SEMA5A: variants seen among roughly 807,000 people sequenced by gnomAD.
The protein encoded by SEMA5A is semaphorin 5A, also known as semaphorin-5A.
SEMA5A carries 55 observed loss-of-function variants against 135.5 expected under a neutral mutation model. The ratio of observed to expected loss-of-function variants is 0.41; its 90% confidence interval spans 0.33 to 0.51. The LOEUF (loss-of-function observed/expected upper bound fraction) is 0.51. SEMA5A is among the 20% of genes least tolerant of loss of function. The pLI is 0.37. For missense variants in SEMA5A, 1,290 were observed against 1,419.9 expected, an observed-to-expected ratio of 0.91 and a Z score of 1.47; for synonymous variants, 580 against 546.5, an observed-to-expected ratio of 1.06 and a Z score of -0.85.
intron 5 of SEMA5A, among the ~76,000 whole-genome samples, chr5:9,311,039 G>A (rs981714377): frequency 6.6e-6 from 1 of 151,842 alleles, no homozygotes; most frequent in South Asian, 2.1e-4. Context: ...TCACAGATTA[G>A]AAAATGGCTT....
chr5:9,053,697 T>C lies in SEMA5A; in HGVS notation c.2689+390A>G, dbSNP rs1369209414. On this transcript the variant is annotated intron_variant, in intron 19 of 22. Transcript: ENST00000382496. ...AATGTTCGTTCTTTCCCACCTTTCCTTGGACTTTCTCCCTCAACACAGCAA... is the reference window on the plus strand; with the variant it reads ...AATGTTCGTTCTTTCCCACCTTTCCCTGGACTTTCTCCCTCAACACAGCAA... The C allele has an allele frequency of 7.6e-5, 12 of 158,832 alleles. No individual in the cohort carries two copies. In the Admixed American group the frequency reaches 7.8e-4, roughly 10 times the overall value. The allele number at this position is 158,832 out of a possible 1,614,324, so 9.8% of individuals were successfully genotyped here. A position where few individuals can be genotyped will look rare whatever the true frequency, so the allele number is the denominator to read the frequency against.
At chr5:9,251,178 T>C (rs923968968) in intron 5 of SEMA5A, among the ~76,000 whole-genome samples, 49 of 152,248 alleles carry the variant, frequency 3.2e-4, no homozygotes, top group African/African-American at 1.2e-3. Flanking sequence ...CCTTCCATAC[T>C]AGGATGACTC....
At chr5:9,486,242 G>T (rs1734719224) in intron 1 of SEMA5A, among the ~76,000 whole-genome samples, 1 of 152,124 alleles carries the variant, frequency 6.6e-6, no homozygotes, top group African/African-American at 2.4e-5. Flanking sequence ...GACACAGGGA[G>T]GGGGAACAAC....
chr5:9,089,385 T>C (rs1461651634), intron 16 of SEMA5A, among the ~76,000 whole-genome samples: 1 of 152,236 alleles, frequency 6.6e-6, no homozygotes, highest in African/African-American at 2.4e-5. Context: ...AAGATCAATC[T>C]GCTAGAGTTC....
At chr5:9,072,995 G>A (rs1222516532) in intron 16 of SEMA5A, among the ~76,000 whole-genome samples, 4 of 152,248 alleles carry the variant, frequency 2.6e-5, no homozygotes, top group African/African-American at 9.6e-5. Flanking sequence ...GGAAGACCTC[G>A]AAGAGATAAG....
chr5:9,212,940 C>T (rs188358003), intron 8 of SEMA5A, among the ~76,000 whole-genome samples: 4 of 152,150 alleles, frequency 2.6e-5, no homozygotes, highest in African/African-American at 9.7e-5. Context: ...TATAAACAAC[C>T]AACATTTCTT....
intron 8 of SEMA5A, among the ~76,000 whole-genome samples, chr5:9,221,388 C>A (rs550713928): frequency 6.7e-6 from 1 of 149,594 alleles, no homozygotes; most frequent in African/African-American, 2.5e-5. Flanking sequence ...CTGCAAGCTC[C>A]GCCTCCCGGG....
At chr5:9,373,315 G>A (rs907038316) in intron 3 of SEMA5A, among the ~76,000 whole-genome samples, 2 of 152,094 alleles carry the variant, frequency 1.3e-5, no homozygotes, top group African/African-American at 4.8e-5. Context: ...ATCCTAATTG[G>A]TCACTTTCAG....
chr5:9,467,793 G>A lies in SEMA5A; in HGVS notation c.-174-29941C>T, dbSNP rs375584160. Among the ~76,000 whole-genome samples the A allele has an allele frequency of 5.9e-5, 9 of 152,324 alleles. No homozygotes were observed. In the East Asian group the frequency reaches 1.2e-3, roughly 20 times the overall value. ...CGCCCTGGCCCAGCGTGGGTCTGGC[G>A]TCCTGCCTGCGGGAGGCTGGTTCCT... On this transcript the variant is annotated intron_variant, in intron 1 of 22. Transcript: ENST00000382496.
intron 8 of SEMA5A, among the ~76,000 whole-genome samples, chr5:9,223,554 AC>A (rs1310763967): frequency 6.6e-6 from 1 of 151,970 alleles, no homozygotes; most frequent in East Asian, 1.9e-4. Flanking sequence ...GACAAGACCC[AC>A]CCCCCAGTCC....
In SEMA5A at chr5:9,231,185, G is replaced by A. The variant is rs1357692419; in HGVS notation, c.334-4218C>T. ...TACTGTGAATAAAAGGAAATGAGTGGCTGGGCACGGTGGTTCCATGCCTGT... is the reference window on the plus strand; with the variant it reads ...TACTGTGAATAAAAGGAAATGAGTGACTGGGCACGGTGGTTCCATGCCTGT... On this transcript the variant is annotated intron_variant, in intron 6 of 22. Coordinates refer to ENST00000382496, the MANE Select transcript of SEMA5A (RefSeq NM_003966.3). Among the ~76,000 whole-genome samples the A allele has an allele frequency of 2.0e-5, 3 of 152,260 alleles. No homozygotes were observed. The East Asian group carries it at 5.8e-4, about 29-fold the overall frequency.
At chr5:9,463,366 A>G (rs1412747121) in intron 1 of SEMA5A, among the ~76,000 whole-genome samples, 1 of 152,180 alleles carries the variant, frequency 6.6e-6, no homozygotes, top group Non-Finnish European at 1.5e-5. Flanking sequence ...TATCTCCTAA[A>G]TATTAAAGTC....
At chr5:9,156,982 C>A (rs764519642) in intron 11 of SEMA5A, among the ~76,000 whole-genome samples, 1 of 152,186 alleles carries the variant, frequency 6.6e-6, no homozygotes, top group Admixed American at 6.5e-5. Context: ...TTTCTGCATA[C>A]CTTGTATCTG....
intron 16 of SEMA5A, among the ~76,000 whole-genome samples, chr5:9,107,046 G>C (rs1011794730): frequency 6.6e-6 from 1 of 152,150 alleles, no homozygotes; most frequent in Admixed American, 6.5e-5. Flanking sequence ...TGTCACAAAA[G>C]CAGGCTTTAC....
chr5:9,094,286 TTTC>T lies in SEMA5A; in HGVS notation c.2073+13851_2073+13853del, dbSNP rs1739201992. Among the ~76,000 whole-genome samples the T allele has an allele frequency of 2.2e-5, 3 of 139,516 alleles. 1 individual carries two copies. In the South Asian group the frequency reaches 6.9e-4, roughly 32 times the overall value. 91.5% of individuals were successfully genotyped at this position (139,516 alleles called of 152,430 possible). Reference sequence around the variant, plus strand: ...ATCAGTCATTGAAGTCATTGAGAATTTTCTTTTCTTCCACATGCAAAATTATTT... The same window carrying T: ...ATCAGTCATTGAAGTCATTGAGAATTTTTTCTTCCACATGCAAAATTATTT... On this transcript the variant is annotated intron_variant, in intron 16 of 22. Transcript: ENST00000382496.
chr5:9,276,160 A>G (rs1750250985), intron 5 of SEMA5A, among the ~76,000 whole-genome samples: 3 of 152,182 alleles, frequency 2.0e-5, no homozygotes, highest in Admixed American at 1.3e-4. Context: ...ATTCCTATAC[A>G]CCAATAACAG....
At chr5:9,348,381 TCA>T (rs1015656175) in intron 3 of SEMA5A, among the ~76,000 whole-genome samples, 8 of 152,286 alleles carry the variant, frequency 5.3e-5, no homozygotes, top group African/African-American at 1.4e-4. Context: ...TTATGCAAAT[TCA>T]TATATTATAA....
chr5:9,180,552 T>C (rs1163288270), intron 11 of SEMA5A, among the ~76,000 whole-genome samples: 1 of 152,182 alleles, frequency 6.6e-6, no homozygotes, highest in Non-Finnish European at 1.5e-5. Context: ...TTAATACTTG[T>C]TCCTGACACT....
intron 5 of SEMA5A, among the ~76,000 whole-genome samples, chr5:9,243,340 T>G (rs1395730322): frequency 6.6e-6 from 1 of 152,186 alleles, no homozygotes; most frequent in Non-Finnish European, 1.5e-5. Flanking sequence ...TGTTTTTCTT[T>G]GTCCAAATGT....
Sources: allele counts gnomAD v4.1 joint callset (sites outside exome capture counted in the v4.1 genomes callset), GRCh38; gene constraint gnomAD v4.1.1; transcripts MANE v1.5; gene names NCBI Gene and HGNC (gene_info 2026-07-23, HGNC 2026-07-21).